Variants in SPATA17 observed in about 807,000 individuals in gnomAD.
SPATA17 encodes the protein spermatogenesis-associated protein 17.
Under a neutral mutation model 62.2 loss-of-function variants are expected in SPATA17, and 53 were observed. That is an observed-to-expected ratio of 0.85 (90% CI 0.68 to 1.07). SPATA17 has a LOEUF of 1.07. Among genes scored for constraint, SPATA17 ranks in the 50% least tolerant of loss-of-function variants. The pLI, the probability that SPATA17 is intolerant of heterozygous loss-of-function variation, is 0.00. For synonymous variants in SPATA17, 146 were observed against 146.8 expected (o/e 0.99, Z 0.04); for missense variants, 466 against 425.5 (o/e 1.10, Z -0.84).
intron 6 of SPATA17, among the ~76,000 whole-genome samples, chr1:217,745,930 A>T (rs983490589): frequency 3.9e-5 from 6 of 152,080 alleles, no homozygotes; most frequent in Non-Finnish European, 8.8e-5. Context: ...CCTAAGGAAG[A>T]TTCAGAGAAC....
At chr1:217,778,764 G>A (rs888221574) in intron 7 of SPATA17, among the ~76,000 whole-genome samples, 4 of 152,206 alleles carry the variant, frequency 2.6e-5, no homozygotes, top group South Asian at 2.1e-4. Context: ...TAATATTATG[G>A]TATAGGTGTT....
chr1:217,744,791 G>A (rs542327942), intron 6 of SPATA17, among the ~76,000 whole-genome samples: 1 of 152,198 alleles, frequency 6.6e-6, no homozygotes, highest in South Asian at 2.1e-4. Context: ...CTCCCACTAA[G>A]GGTAATATAT....
At chr1:217,801,899 A>C in intron 9 of SPATA17, 49 bp downstream of exon 9, 1 of 1,496,742 alleles carries the variant, frequency 6.7e-7, no homozygotes, top group Non-Finnish European at 9.1e-7. Context: ...AAAAGCTAGA[A>C]ATATACATTA....
At chr1:217,750,088 G>A (rs1408373765) in intron 6 of SPATA17, among the ~76,000 whole-genome samples, 1 of 146,546 alleles carries the variant, frequency 6.8e-6, no homozygotes, top group Non-Finnish European at 1.5e-5. Context: ...CAGAAGAGGA[G>A]AAACATGTTA....
intron 8 of SPATA17, among the ~76,000 whole-genome samples, chr1:217,785,855 T>C (rs1007774441): frequency 6.6e-6 from 1 of 152,098 alleles, no homozygotes; most frequent in Non-Finnish European, 1.5e-5. Flanking sequence ...AATAAAGACA[T>C]GGAAAATAGA....
At chr1:217,762,931 G>T (rs1240786282) in intron 6 of SPATA17, among the ~76,000 whole-genome samples, 1 of 152,100 alleles carries the variant, frequency 6.6e-6, no homozygotes, top group East Asian at 1.9e-4. Flanking sequence ...TCCATCTTGG[G>T]TGACAGAGTG....
chr1:217,768,453 T>A (rs1254143266), intron 6 of SPATA17, among the ~76,000 whole-genome samples: 2 of 151,920 alleles, frequency 1.3e-5, no homozygotes, highest in Non-Finnish European at 2.9e-5. Context: ...ATTATATTGG[T>A]CTTGAATACC....
At chr1:217,712,146 T>A (rs1419967638) in intron 5 of SPATA17, among the ~76,000 whole-genome samples, 1 of 150,408 alleles carries the variant, frequency 6.6e-6, no homozygotes, top group Non-Finnish European at 1.5e-5. Flanking sequence ...TTTTTTTTTT[T>A]ACGGAGTTTC....
chr1:217,664,987 A>AG (rs1457224451), intron 3 of SPATA17, among the ~76,000 whole-genome samples: 1 of 152,158 alleles, frequency 6.6e-6, no homozygotes, highest in East Asian at 1.9e-4. Flanking sequence ...GAAAGGGAGA[A>AG]GAAAAAAACG....
chr1:217,637,466 C>T (rs1669967751), intron 1 of SPATA17, among the ~76,000 whole-genome samples: 1 of 152,152 alleles, frequency 6.6e-6, no homozygotes, highest in South Asian at 2.1e-4. Flanking sequence ...GGGTACATTA[C>T]TCTATGGTTC....
intron 5 of SPATA17, among the ~76,000 whole-genome samples, chr1:217,705,888 G>C (rs1179357662): frequency 1.3e-5 from 2 of 152,160 alleles, no homozygotes. Flanking sequence ...AATCCATCTT[G>C]AGTTGATTTT....
At chr1:217,795,795 T>C (rs1417680586) in intron 8 of SPATA17, among the ~76,000 whole-genome samples, 1 of 151,832 alleles carries the variant, frequency 6.6e-6, no homozygotes, top group African/African-American at 2.4e-5. Context: ...TGACACCTTC[T>C]ATTTATTTAT....
intron 8 of SPATA17, among the ~76,000 whole-genome samples, chr1:217,799,171 C>T (rs1381408009): frequency 6.6e-6 from 1 of 151,866 alleles, no homozygotes; most frequent in Admixed American, 6.6e-5. Flanking sequence ...TTTGAGTATA[C>T]ATACATGCAC....
intron 5 of SPATA17, among the ~76,000 whole-genome samples, chr1:217,708,142 G>A (rs1207862942): frequency 1.3e-5 from 2 of 152,146 alleles, no homozygotes; most frequent in East Asian, 3.9e-4. Flanking sequence ...TGCACCTGGA[G>A]GAACTAGAGA....
At chr1:217,699,531 T>G (rs1257884753) in intron 5 of SPATA17, among the ~76,000 whole-genome samples, 1 of 152,218 alleles carries the variant, frequency 6.6e-6, no homozygotes, top group Non-Finnish European at 1.5e-5. Context: ...TTCATGTGTT[T>G]TGCCCATTTT....
intron 5 of SPATA17, among the ~76,000 whole-genome samples, chr1:217,740,355 CATA>C (rs1409156576): frequency 1.3e-5 from 2 of 151,562 alleles, no homozygotes; most frequent in Non-Finnish European, 2.9e-5. Flanking sequence ...TTATTTTTTT[CATA>C]ATATCAATAG....
chr1:217,650,059 C>T (rs1670275077), intron 2 of SPATA17, among the ~76,000 whole-genome samples: 1 of 151,846 alleles, frequency 6.6e-6, no homozygotes, highest in Admixed American at 6.6e-5. Flanking sequence ...CCTGCCTCAG[C>T]CTCTCGGGTA....
intron 5 of SPATA17, among the ~76,000 whole-genome samples, chr1:217,714,687 G>C (rs1399714552): frequency 2.0e-5 from 3 of 151,546 alleles, no homozygotes; most frequent in Admixed American, 6.6e-5. Context: ...GGGTTTCACC[G>C]TGTTAGCCAG....
At chr1:217,715,911 G>A (rs1388658269) in intron 5 of SPATA17, among the ~76,000 whole-genome samples, 1 of 152,112 alleles carries the variant, frequency 6.6e-6, no homozygotes, top group Non-Finnish European at 1.5e-5. Flanking sequence ...TGCTGTCTTT[G>A]TAGTCTGCTA....
Sources: gnomAD v4.1 joint callset for allele counts (sites outside exome capture counted in the v4.1 genomes callset) on GRCh38, gnomAD v4.1.1 for gene constraint, MANE v1.5 for transcripts, NCBI Gene and HGNC (gene_info 2026-07-23, HGNC 2026-07-21) for gene names.